Variants in SATL1 observed in about 807,000 individuals in gnomAD.
The protein encoded by SATL1 is spermidine/spermine N1-acetyl transferase like 1.
A neutral mutation model predicts 51.8 loss-of-function variants in SATL1; 47 were observed. The ratio of observed to expected loss-of-function variants is 0.91; its 90% CI spans 0.72 to 1.16. The LOEUF (loss-of-function observed/expected upper bound fraction) is 1.16. Ranked by LOEUF, SATL1 falls within the 50% of genes most tolerant of loss-of-function variation. SATL1 has a pLI of 0.00. For missense variants in SATL1, 520 were observed against 526.4 expected, an observed-to-expected ratio of 0.99 and a Z score of 0.12; for synonymous variants, 176 against 182.4, an observed-to-expected ratio of 0.97 and a Z score of 0.28.
At chrX:85,169,562 CCA>C (rs1926926669) in intron 2 of SATL1, among the ~76,000 whole-genome samples, 1 of 111,665 alleles carries the variant, frequency 9.0e-6, no homozygotes, top group African/African-American at 3.3e-5. Flanking sequence ...CAAATTAAAA[CCA>C]CAATGAGATA....
At position 85,108,582 on chromosome X, in the gene SATL1, C is replaced by A. The variant is rs759085797; in HGVS notation, c.387G>T (p.Thr129=). The change falls in exon 3 of 8, where the codon ACG becomes ACT. Residue 129 remains threonine (T), a synonymous_variant. Transcript: ENST00000644105. ...CTGGTTGGCTCATACCTGATTGGTTCGTGCCTATTTGCCTCATGCGTGATT... is the reference window on the plus strand; with the variant it reads ...CTGGTTGGCTCATACCTGATTGGTTAGTGCCTATTTGCCTCATGCGTGATT... ...PSQSRMRQIG[T]NQSGMSQPVM... The A allele has an allele frequency of 8.3e-7, 1 of 1,205,246 alleles. No individual in the cohort carries two copies. Among genetic ancestry groups the A allele is most frequent in the South Asian group, 1.8e-5 (1 of 56,176 alleles).
intron 2 of SATL1, among the ~76,000 whole-genome samples, chrX:85,150,625 G>T (rs752755703): frequency 3.0e-4 from 33 of 111,766 alleles, no homozygotes; most frequent in African/African-American, 1.0e-3. Flanking sequence ...CCATGATCAA[G>T]TGGGCTTCAT....
chrX:85,130,861 G>A (rs1457422802), intron 2 of SATL1, among the ~76,000 whole-genome samples: 1 of 111,528 alleles, frequency 9.0e-6, no homozygotes, highest in Non-Finnish European at 1.9e-5. Context: ...TGTTCTCATT[G>A]GTTTCATAGA....
At chrX:85,102,099 A>G (rs2147685893) in intron 4 of SATL1, among the ~76,000 whole-genome samples, 2 of 92,268 alleles carry the variant, frequency 2.2e-5, no homozygotes, top group East Asian at 6.8e-4. Flanking sequence ...TCTTATTATT[A>G]TACTTTAAGT....
At chrX:85,152,180 A>G (rs1303728441) in intron 2 of SATL1, among the ~76,000 whole-genome samples, 23 of 112,307 alleles carry the variant, frequency 2.0e-4, no homozygotes, top group Non-Finnish European at 3.8e-4. Flanking sequence ...ACTTCTCAAA[A>G]GAAGACATTT....
intron 2 of SATL1, among the ~76,000 whole-genome samples, chrX:85,162,329 T>C (rs1327822408): frequency 9.0e-6 from 1 of 110,509 alleles, no homozygotes; most frequent in East Asian, 2.9e-4. Context: ...TGAAGGAGAC[T>C]GAGACAAGAA....
chrX:85,177,200 G>T lies in SATL1; in HGVS notation c.-313+47005C>A, dbSNP rs146646950. 4.6e-3 allele frequency among the ~76,000 whole-genome samples: 510 copies of T among 111,517 alleles called. 2 individuals carry two copies. Among genetic ancestry groups the T allele is most frequent in the African/African-American group, 0.016 (488 of 30,792 alleles). ...ATCCTAGACCAGGAAAATTATATTA[G>T]TGGGAAAACTGTTGAAATTCACATA... On this transcript the variant is annotated intron_variant, in intron 2 of 7. Transcript: ENST00000644105.
intron 2 of SATL1, among the ~76,000 whole-genome samples, chrX:85,215,340 G>A (rs983260117): frequency 2.7e-5 from 3 of 111,206 alleles, no homozygotes; most frequent in African/African-American, 6.5e-5. Flanking sequence ...GACTATTAGC[G>A]CCTGGCTTCC....
At chrX:85,193,977 C>A (rs371472708) in intron 2 of SATL1, among the ~76,000 whole-genome samples, 1 of 111,357 alleles carries the variant, frequency 9.0e-6, no homozygotes, top group African/African-American at 3.3e-5. Flanking sequence ...CTGCAATAAA[C>A]GTTTGTGTGC....
intron 1 of SATL1, among the ~76,000 whole-genome samples, chrX:85,237,891 G>A (rs1235228848): frequency 9.0e-6 from 1 of 111,497 alleles, no homozygotes; most frequent in Non-Finnish European, 1.9e-5. Flanking sequence ...ATTTAAAAAT[G>A]GGTCAAATAT....
chrX:85,108,249 T>C lies in SATL1; in HGVS notation c.720A>G (p.Gln240=), dbSNP rs1925139479. The C allele has an allele frequency of 8.3e-7, 1 of 1,210,104 alleles. No individual in the cohort carries two copies. The highest frequency in any genetic ancestry group is 1.1e-6 in the Non-Finnish European group (1 of 895,210). Residue 240 remains glutamine (Q), a synonymous_variant, in exon 3 of 8, where the codon CAA becomes CAG. Coordinates refer to ENST00000644105, the MANE Select transcript of SATL1 (RefSeq NM_001367857.2). ...QPDTSQSCKN[Q]TDMSQPDANQ... ...TTGCGTCTGGTTGGCTCATGTCTGT[T>C]TGGTTCTTACATGATTGGCTAGTGT...
chrX:85,158,909 C>T (rs1252058475), intron 2 of SATL1, among the ~76,000 whole-genome samples: 2 of 111,529 alleles, frequency 1.8e-5, no homozygotes, highest in Non-Finnish European at 3.8e-5. Flanking sequence ...TTTAAATTAT[C>T]AAGTTTTTAA....
At position 85,107,473 on chromosome X, in the gene SATL1, A is replaced by G. The variant is rs1411681880; in HGVS notation, c.1496T>C (p.Leu499Ser). The G allele has an allele frequency of 8.3e-7, 1 of 1,209,569 alleles. No homozygotes were observed. The highest frequency in any genetic ancestry group is 2.2e-5 in the Admixed American group (1 of 45,902). The change falls in exon 3 of 8, where the codon TTA (leucine) becomes TCA (serine). Residue 499 changes from leucine (L) to serine (S), a missense_variant. This residue lies in a region of SATL1 where 488 missense variants were observed against 474.3 expected (regional missense o/e 1.03). Coordinates refer to ENST00000644105, the MANE Select transcript of SATL1 (RefSeq NM_001367857.2). ...PGLSQQDLNQ[L>S]VLSQPGLSQP... is the part of the protein sequence containing the mutation. ...ACTCAGGCCTGGTTGGCTCAGCACT[A>G]ATTGGTTCAGGTCTTGTTGGCTCAG...
At chrX:85,164,607 C>T (rs1721729763) in intron 2 of SATL1, among the ~76,000 whole-genome samples, 1 of 111,499 alleles carries the variant, frequency 9.0e-6, no homozygotes, top group Admixed American at 9.6e-5. Flanking sequence ...GAGAAATCTG[C>T]TGCTAATCTG....
At chrX:85,132,216 T>G (rs1192556800) in intron 2 of SATL1, among the ~76,000 whole-genome samples, 1 of 112,031 alleles carries the variant, frequency 8.9e-6, no homozygotes, top group African/African-American at 3.2e-5. Flanking sequence ...GTTGGGGAAG[T>G]TCTCCTGGAT....
intron 2 of SATL1, among the ~76,000 whole-genome samples, chrX:85,122,303 G>T (rs1156643814): frequency 9.0e-6 from 1 of 111,619 alleles, no homozygotes; most frequent in Non-Finnish European, 1.9e-5. Context: ...ACTGCCAAAA[G>T]AAAACATCCA....
chrX:85,170,987 T>C (rs952878664), intron 2 of SATL1, among the ~76,000 whole-genome samples: 2 of 111,652 alleles, frequency 1.8e-5, no homozygotes, highest in Non-Finnish European at 3.8e-5. Context: ...TAAATTTTCA[T>C]AAAATATCAT....
intron 2 of SATL1, among the ~76,000 whole-genome samples, chrX:85,208,244 A>G (rs932528603): frequency 1.8e-5 from 2 of 111,203 alleles, no homozygotes; most frequent in African/African-American, 3.3e-5. Flanking sequence ...ATCCTTTTTT[A>G]TGGCTGCATA....
At chrX:85,240,908 G>A (rs759796194) in intron 1 of SATL1, among the ~76,000 whole-genome samples, 1 of 110,417 alleles carries the variant, frequency 9.1e-6, no homozygotes, top group South Asian at 3.9e-4. Flanking sequence ...ACAGGCGTGA[G>A]CCACCGCACC....
Sources: allele counts gnomAD v4.1 joint callset (sites outside exome capture counted in the v4.1 genomes callset), GRCh38; gene constraint gnomAD v4.1.1; regional missense constraint gnomAD v4.1.1; transcripts MANE v1.5; gene names NCBI Gene and HGNC (gene_info 2026-07-23, HGNC 2026-07-21).